Variants in SUCNR1 observed in about 807,000 individuals in gnomAD.
SUCNR1 encodes succinate receptor 1.
In SUCNR1, 5 loss-of-function variants were observed where a neutral mutation model predicts 2.4. That is an observed-to-expected ratio of 2.07 (90% CI 1.08 to 4.36). The LOEUF (loss-of-function observed/expected upper bound fraction) is 4.36. SUCNR1 is among the 30% of genes most tolerant of loss of function. The probability of loss-of-function intolerance (pLI) is 0.00; values close to 1 mark genes in which losing one functional copy is unlikely to be tolerated. For synonymous variants in SUCNR1, 162 were observed against 143.9 expected, an observed-to-expected ratio of 1.13 and a Z score of -0.90; for missense variants, 373 against 399.2, an observed-to-expected ratio of 0.93 and a Z score of 0.56.
At position 151,883,420 on chromosome 3, in the gene SUCNR1, T is replaced by G. The variant is rs899813633; in HGVS notation, c.*1872T>G. On this transcript the variant is annotated 3_prime_UTR_variant, in exon 3 of 3. Coordinates refer to ENST00000362032, the MANE Select transcript of SUCNR1 (RefSeq NM_033050.6). The stretch of plus-strand genomic sequence containing the variant: ...ACTCCAAGAAGTCACAGGAATAGAC[T>G]CTTTCTAATAGTGCAGTGAAATATT... 1 of 145,670 alleles carries G rather than the reference T, an allele frequency of 6.9e-6. No individual in the cohort carries two copies. The highest frequency in any genetic ancestry group is 1.5e-5 in the Non-Finnish European group (1 of 66,668). 9.0% of individuals were successfully genotyped at this position (145,670 alleles called of 1,614,324 possible). A position where few individuals can be genotyped will look rare whatever the true frequency, so the allele number is the denominator to read the frequency against.
chr3:151,880,767 C>A lies in SUCNR1; in HGVS notation c.224C>A (p.Thr75Asn). Residue 75 changes from threonine to asparagine, a missense_variant, in exon 3 of 3, where the codon ACC becomes AAC. Thr to Asn is a moderately conservative substitution (Grantham distance 65, BLOSUM62 0). This residue lies in a region of SUCNR1 where 184 missense variants were observed against 162.2 expected (regional missense o/e 1.13). Coordinates refer to ENST00000362032, the MANE Select transcript of SUCNR1 (RefSeq NM_033050.6). ...LSVSDLAFLC[T>N]LPMLIRSYAN... ...GTCTCTGACTTAGCTTTTCTGTGCA[C>A]CCTCCCCATGCTGATAAGGAGTTAT... The A allele has an allele frequency of 6.2e-7, 1 of 1,614,022 alleles. No individual in the cohort carries two copies. The highest frequency in any genetic ancestry group is 8.5e-7 in the Non-Finnish European group (1 of 1,179,972).
At position 151,881,945 on chromosome 3, in the gene SUCNR1, T is replaced by C. The variant is rs571420510; in HGVS notation, c.*397T>C. ...CCTAGAACTTTATGTGAGAACTGAATAGCAGAAGATATATTATTAAATAGT... is the reference window on the plus strand; with the variant it reads ...CCTAGAACTTTATGTGAGAACTGAACAGCAGAAGATATATTATTAAATAGT... On this transcript the variant is annotated 3_prime_UTR_variant, in exon 3 of 3. Transcript: ENST00000362032. 2 of 158,450 alleles carry C rather than the reference T, an allele frequency of 1.3e-5. No individual in the cohort carries two copies. The highest frequency in any genetic ancestry group is 4.8e-5 in the African/African-American group (2 of 41,678). The allele number at this position is 158,450 out of a possible 1,614,324, so 9.8% of individuals were successfully genotyped here.
At chr3:151,876,017 G>A (rs1030582899) in intron 1 of SUCNR1, among the ~76,000 whole-genome samples, 1 of 152,148 alleles carries the variant, frequency 6.6e-6, no homozygotes, top group African/African-American at 2.4e-5. Flanking sequence ...ATTACCAGTG[G>A]TGACTAGGCA....
In SUCNR1 at chr3:151,881,692, G is replaced by A; in HGVS notation, c.*144G>A. The A allele has an allele frequency of 1.3e-6, 1 of 758,960 alleles. No individual in the cohort carries two copies. The highest frequency in any genetic ancestry group is 1.9e-5 in the South Asian group (1 of 51,586). The allele number at this position is 758,960 out of a possible 1,614,324, so 47.0% of individuals were successfully genotyped here. A position where few individuals can be genotyped will look rare whatever the true frequency, so the allele number is the denominator to read the frequency against. ...TACCCAGAGTATGTGAAAAGAATGGGACGACAAGAATGTACTGGTTTCTTC... is the reference window on the plus strand; with the variant it reads ...TACCCAGAGTATGTGAAAAGAATGGAACGACAAGAATGTACTGGTTTCTTC... On this transcript the variant is annotated 3_prime_UTR_variant, in exon 3 of 3. Coordinates refer to ENST00000362032, the MANE Select transcript of SUCNR1 (RefSeq NM_033050.6).
chr3:151,880,490 T>C (rs1718055045), intron 2 of SUCNR1, 69 bp from the exon 3 acceptor site: 4 of 1,140,562 alleles, frequency 3.5e-6, no homozygotes, highest in Non-Finnish European at 5.0e-6. Context: ...ATTATTATTA[T>C]GTTCTGCACA....
In SUCNR1 at chr3:151,881,622, A is replaced by C. The variant is rs1718102372; in HGVS notation, c.*74A>C. On this transcript the variant is annotated 3_prime_UTR_variant, in exon 3 of 3. Transcript: ENST00000362032. ...CAGTTTGCCTTAACTCATAGACATCAATCAGAGAGTGTCACAGATTTAACC... is the reference window on the plus strand; with the variant it reads ...CAGTTTGCCTTAACTCATAGACATCCATCAGAGAGTGTCACAGATTTAACC... 1 of 1,322,128 alleles carries C rather than the reference A, an allele frequency of 7.6e-7. No individual in the cohort carries two copies. Among genetic ancestry groups the C allele is most frequent in the Non-Finnish European group, 1.0e-6 (1 of 968,918 alleles). 81.9% of individuals were successfully genotyped at this position (1,322,128 alleles called of 1,614,324 possible).
chr3:151,878,708 A>G lies in SUCNR1; in HGVS notation c.-41-1144A>G, dbSNP rs1032541932. On this transcript the variant is annotated intron_variant, in intron 1 of 2. Coordinates refer to ENST00000362032, the MANE Select transcript of SUCNR1 (RefSeq NM_033050.6). ...ATTGGACTTAGTGGCAGGTTGCCAT[A>G]GAGAGATTCGAGAGACTCCGAAAAA... 5.1e-4 allele frequency among the ~76,000 whole-genome samples: 77 copies of G among 152,312 alleles called. 1 individual carries two copies. The highest frequency in any genetic ancestry group is 8.3e-4 in the South Asian group (4 of 4,834).
rs778238415 is a variant in SUCNR1 at position 151,881,517 on chromosome 3, A to G, written c.974A>G (p.His325Arg). The stretch of plus-strand genomic sequence containing the variant: ...CTTACATCCTTTAGCAGATGGGCTC[A>G]TGAACTCCTACTTTCATTCAGAGAA... ...KSLTSFSRWAHELLLSFREK is the reference protein window; with the variant it reads ...KSLTSFSRWARELLLSFREK The change falls in exon 3 of 3, where the codon CAT becomes CGT. Residue 325 changes from histidine (H) to arginine (R), a missense_variant. Around this residue, in one of 3 missense-constraint regions of SUCNR1, gnomAD observed 157 missense variants for 178.7 expected, o/e 0.88. Coordinates refer to ENST00000362032, the MANE Select transcript of SUCNR1 (RefSeq NM_033050.6). The G allele has an allele frequency of 1.2e-6, 2 of 1,607,460 alleles. No individual in the cohort carries two copies. Among genetic ancestry groups the G allele is most frequent in the South Asian group, 1.1e-5 (1 of 89,696 alleles).
Position 151,881,053 on chromosome 3 carries a change from C to T in SUCNR1, c.510C>T (p.Thr170=). The T allele has an allele frequency of 6.2e-7, 1 of 1,614,170 alleles. No homozygotes were observed. The highest frequency in any genetic ancestry group is 8.5e-7 in the Non-Finnish European group (1 of 1,180,014). ...LINPVITDNG[T]TCNDFASSGD... is the part of the protein sequence containing the mutation. The stretch of plus-strand genomic sequence containing the variant: ...ATCCTGTTATAACTGACAATGGCAC[C>T]ACCTGTAATGATTTTGCAAGTTCTG... The change falls in exon 3 of 3, where the codon ACC becomes ACT. Residue 170 remains threonine (T), a synonymous_variant. Transcript: ENST00000362032.
At chr3:151,875,648 TTTC>T in intron 1 of SUCNR1, among the ~76,000 whole-genome samples, 1 of 152,304 alleles carries the variant, frequency 6.6e-6, no homozygotes, top group South Asian at 2.1e-4. Flanking sequence ...ACCATTTTTA[TTTC>T]TTATTTTTGC....
rs1158889913 is a variant in SUCNR1, at chr3:151,879,856, T to C, written c.-37T>C. 2.0e-6 allele frequency: 3 copies of C among 1,518,456 alleles called. No homozygotes were observed. The highest frequency in any genetic ancestry group is 1.9e-5 in the Admixed American group (1 of 51,624). 94.1% of individuals were successfully genotyped at this position (1,518,456 alleles called of 1,614,324 possible). ...AATTCTTATTTCCTCTTCTAGGTTA[T>C]GGTTTAACTCAGCAGAATTTGTTGA... On this transcript the variant is annotated 5_prime_UTR_variant, in exon 2 of 3. The change abolishes an upstream ATG in the 5' untranslated region. Coordinates refer to ENST00000362032, the MANE Select transcript of SUCNR1 (RefSeq NM_033050.6).
At chr3:151,875,631 T>C (rs1717902702) in intron 1 of SUCNR1, among the ~76,000 whole-genome samples, 1 of 152,164 alleles carries the variant, frequency 6.6e-6, no homozygotes, top group African/African-American at 2.4e-5. Flanking sequence ...GAGTGGTCTG[T>C]TTACAGACCA....
At chr3:151,876,106 C>A (rs986363923) in intron 1 of SUCNR1, among the ~76,000 whole-genome samples, 2 of 152,138 alleles carry the variant, frequency 1.3e-5, no homozygotes, top group Non-Finnish European at 2.9e-5. Flanking sequence ...ACTTTCTATA[C>A]CTTAATTTTC....
chr3:151,874,064 C>T (rs1231169850), intron 1 of SUCNR1, among the ~76,000 whole-genome samples: 1 of 132,248 alleles, frequency 7.6e-6, no homozygotes, highest in African/African-American at 2.8e-5. Flanking sequence ...TGATTTGAAA[C>T]AATCATGTAT....
intron 1 of SUCNR1, among the ~76,000 whole-genome samples, chr3:151,875,327 A>G (rs994338211): frequency 6.6e-6 from 1 of 152,136 alleles, no homozygotes; most frequent in Admixed American, 6.6e-5. Context: ...TGCTTAAAGG[A>G]GCAACTTACT....
intron 1 of SUCNR1, among the ~76,000 whole-genome samples, chr3:151,876,814 G>A (rs186250091): frequency 6.6e-6 from 1 of 152,114 alleles, no homozygotes; most frequent in East Asian, 1.9e-4. Context: ...TCTGGCCTTG[G>A]AGAAAATATT....
At position 151,881,210 on chromosome 3, in the gene SUCNR1, A is replaced by G. The variant is rs780734449; in HGVS notation, c.667A>G (p.Thr223Ala). 1.2e-6 allele frequency: 2 copies of G among 1,614,170 alleles called. No homozygotes were observed. Among genetic ancestry groups the G allele is most frequent in the East Asian group, 4.5e-5 (2 of 44,888 alleles). ...FLKQRNRQVA[T>A]ALPLEKPLNL... ...AAAGCAGAGGAATAGGCAGGTTGCT[A>G]CTGCTCTGCCCCTTGAAAAGCCTCT... Residue 223 changes from threonine (T) to alanine (A), a missense_variant, in exon 3 of 3, where the codon ACT (threonine) becomes GCT (alanine). Thr to Ala is a moderately conservative substitution (Grantham distance 58, BLOSUM62 0). Around this residue, in one of 3 missense-constraint regions of SUCNR1, gnomAD observed 157 missense variants for 178.7 expected, o/e 0.88. Coordinates refer to ENST00000362032, the MANE Select transcript of SUCNR1 (RefSeq NM_033050.6).
intron 1 of SUCNR1, among the ~76,000 whole-genome samples, chr3:151,877,835 T>C (rs1256944326): frequency 6.6e-6 from 1 of 152,112 alleles, no homozygotes; most frequent in Non-Finnish European, 1.5e-5. Context: ...AGTTGGTCAT[T>C]AAACCTCAAA....
intron 1 of SUCNR1, among the ~76,000 whole-genome samples, chr3:151,875,248 T>C (rs1717888404): frequency 6.6e-6 from 1 of 152,096 alleles, no homozygotes. Flanking sequence ...ATTAAGAATA[T>C]AGCCACTAGA....
Sources: allele counts gnomAD v4.1 joint callset (sites outside exome capture counted in the v4.1 genomes callset), GRCh38; gene constraint gnomAD v4.1.1; regional missense constraint gnomAD v4.1.1; transcripts MANE v1.5; gene names NCBI Gene and HGNC (gene_info 2026-07-23, HGNC 2026-07-21).